The following RIMS2 variants were observed in gnomAD, a reference collection of about 807,000 sequenced individuals.
The protein encoded by RIMS2 is regulating synaptic membrane exocytosis protein 2.
A neutral mutation model predicts 174.4 loss-of-function variants in RIMS2; 59 were observed. The ratio of observed to expected loss-of-function variants is 0.34; its 90% CI spans 0.27 to 0.42. RIMS2 has a LOEUF of 0.42. Ranked by LOEUF, RIMS2 falls within the 10% of genes least tolerant of loss-of-function variation. The pLI, the probability that RIMS2 is intolerant of heterozygous loss-of-function variation, is 1.00. For missense variants in RIMS2, 1,620 were observed against 1,666.3 expected, an observed-to-expected ratio of 0.97 and a Z score of 0.48; for synonymous variants, 606 against 572.5, an observed-to-expected ratio of 1.06 and a Z score of -0.84.
At chr8:103,913,853 A>G (rs2076185632) in intron 6 of RIMS2, among the ~76,000 whole-genome samples, 1 of 152,160 alleles carries the variant, frequency 6.6e-6, no homozygotes, top group Non-Finnish European at 1.5e-5. Flanking sequence ...GATCTGTCCC[A>G]TGATCCAAAC....
At position 103,540,843 on chromosome 8, in the gene RIMS2, T is replaced by A. The variant is rs575104035; in HGVS notation, c.176+39781T>A. ...ACAAGCAAACAAACAAAAAAGAAAATCTGGAGGAGAAAAAACAATGACTGG... is the reference window on the plus strand; with the variant it reads ...ACAAGCAAACAAACAAAAAAGAAAAACTGGAGGAGAAAAAACAATGACTGG... On this transcript the variant is annotated intron_variant, in intron 1 of 23. Transcript: ENST00000504942. Among the ~76,000 whole-genome samples the A allele has an allele frequency of 3.3e-5, 5 of 151,132 alleles. No homozygotes were observed. In the East Asian group the frequency reaches 9.8e-4, roughly 30 times the overall value.
At chr8:104,074,419 C>G (rs556511758) in intron 19 of RIMS2, among the ~76,000 whole-genome samples, 8 of 152,022 alleles carry the variant, frequency 5.3e-5, no homozygotes. Context: ...CTAGTAAATG[C>G]TCAATAAATA....
At chr8:104,161,511 A>G (rs1173999553) in intron 19 of RIMS2, among the ~76,000 whole-genome samples, 2 of 152,208 alleles carry the variant, frequency 1.3e-5, no homozygotes, top group African/African-American at 4.8e-5. Flanking sequence ...AAGCAGAGTC[A>G]TGACAACGTA....
chr8:103,754,573 T>G (rs1429850641), intron 2 of RIMS2, among the ~76,000 whole-genome samples: 1 of 152,180 alleles, frequency 6.6e-6, no homozygotes, highest in Non-Finnish European at 1.5e-5. Context: ...TAAGTCTCTT[T>G]GTAGGTCTCT....
At chr8:103,958,839 C>A (rs1353183040) in intron 14 of RIMS2, among the ~76,000 whole-genome samples, 1 of 152,068 alleles carries the variant, frequency 6.6e-6, no homozygotes, top group Non-Finnish European at 1.5e-5. Context: ...TGAGAAAAGT[C>A]ACTTGCCAAA....
chr8:104,113,628 T>C (rs2098231790), intron 19 of RIMS2, among the ~76,000 whole-genome samples: 1 of 152,040 alleles, frequency 6.6e-6, no homozygotes, highest in Admixed American at 6.6e-5. Flanking sequence ...TTGGCTCTAG[T>C]TATGCTTTAA....
At chr8:103,605,731 G>A (rs2095037466) in intron 1 of RIMS2, among the ~76,000 whole-genome samples, 1 of 152,152 alleles carries the variant, frequency 6.6e-6, no homozygotes, top group Non-Finnish European at 1.5e-5. Flanking sequence ...AGTCTTGGGA[G>A]AGTGTATGTG....
At chr8:103,714,111 G>GTAT (rs1375896506) in intron 2 of RIMS2, among the ~76,000 whole-genome samples, 1 of 152,096 alleles carries the variant, frequency 6.6e-6, no homozygotes, top group African/African-American at 2.4e-5. Context: ...TCTCAAAAGT[G>GTAT]TATTATTATT....
At chr8:104,183,689 A>T (rs1418208862) in intron 19 of RIMS2, among the ~76,000 whole-genome samples, 1 of 151,676 alleles carries the variant, frequency 6.6e-6, no homozygotes, top group African/African-American at 2.4e-5. Context: ...TTAAAAATTG[A>T]ATTCTGAACA....
chr8:104,012,903 TG>T (rs2095805210), intron 17 of RIMS2, among the ~76,000 whole-genome samples: 1 of 152,142 alleles, frequency 6.6e-6, no homozygotes, highest in Non-Finnish European at 1.5e-5. Flanking sequence ...ATTTTTCTTG[TG>T]GATCAGGTTT....
chr8:103,901,184 T>C (rs2154524391), intron 4 of RIMS2, among the ~76,000 whole-genome samples: 1 of 152,118 alleles, frequency 6.6e-6, no homozygotes, highest in East Asian at 1.9e-4. Flanking sequence ...GTCAGCCCTA[T>C]CAGTAAGAGG....
chr8:104,059,719 CTCT>C (rs1284148131), intron 19 of RIMS2, among the ~76,000 whole-genome samples: 1 of 151,112 alleles, frequency 6.6e-6, no homozygotes, highest in African/African-American at 2.4e-5. Flanking sequence ...TCATAGATAG[CTCT>C]TCTTATTTTG....
chr8:103,609,615 C>T (rs995251589), intron 1 of RIMS2, among the ~76,000 whole-genome samples: 1 of 152,108 alleles, frequency 6.6e-6, no homozygotes, highest in Non-Finnish European at 1.5e-5. Context: ...ATTAGGAAGT[C>T]CTTTATTGCT....
At chr8:104,044,697 T>C (rs1198923825) in intron 19 of RIMS2, among the ~76,000 whole-genome samples, 1 of 151,720 alleles carries the variant, frequency 6.6e-6, no homozygotes, top group Non-Finnish European at 1.5e-5. Context: ...TAGCTATAGA[T>C]CTATAATACC....
intron 1 of RIMS2, among the ~76,000 whole-genome samples, chr8:103,587,409 G>GAAGAAAGAAAGAAAGAAAGAAAGA (rs201019003): frequency 4.9e-4 from 57 of 117,144 alleles, no homozygotes; most frequent in East Asian, 4.3e-3. Flanking sequence ...GAAGAAAAAA[G>GAAGAAAGAAAGAAAGAAAGAAAGA]AAGAAAGAAA....
At chr8:103,820,641 T>G (rs1454383127) in intron 3 of RIMS2, among the ~76,000 whole-genome samples, 3 of 151,952 alleles carry the variant, frequency 2.0e-5, no homozygotes, top group Non-Finnish European at 4.4e-5. Context: ...TTAAAATGTT[T>G]ACTGATGATA....
At chr8:103,826,063 A>G (rs1275561290) in intron 3 of RIMS2, among the ~76,000 whole-genome samples, 1 of 152,134 alleles carries the variant, frequency 6.6e-6, no homozygotes, top group Admixed American at 6.5e-5. Flanking sequence ...CTATTTGTGT[A>G]TCCTCCTTTG....
intron 1 of RIMS2, among the ~76,000 whole-genome samples, chr8:103,520,754 G>A (rs915291278): frequency 5.9e-5 from 9 of 151,950 alleles, no homozygotes; most frequent in Non-Finnish European, 7.4e-5. Context: ...AAATTTTATC[G>A]AAATAATAGT....
At chr8:103,646,685 T>A (rs1383960275) in intron 1 of RIMS2, among the ~76,000 whole-genome samples, 1 of 151,908 alleles carries the variant, frequency 6.6e-6, no homozygotes, top group Admixed American at 6.5e-5. Flanking sequence ...TTGCTGAGGA[T>A]AATGCCTTTC....
Sources: allele counts gnomAD v4.1 joint callset (sites outside exome capture counted in the v4.1 genomes callset), GRCh38; gene constraint gnomAD v4.1.1; transcripts MANE v1.5; gene names NCBI Gene and HGNC (gene_info 2026-07-23, HGNC 2026-07-21).